Variants in HSD17B4 observed in about 807,000 individuals in gnomAD.
The protein encoded by HSD17B4 is hydroxysteroid 17-beta dehydrogenase 4, also known as peroxisomal multifunctional enzyme type 2.
HSD17B4 carries 70 observed loss-of-function variants against 101.0 expected under a neutral mutation model. The observed-to-expected ratio is 0.69, with a 90% confidence interval of 0.57 to 0.85. The LOEUF is 0.85. HSD17B4 is among the 40% of genes least tolerant of loss of function. The pLI is 0.00. For synonymous variants in HSD17B4, 347 were observed against 297.1 expected (o/e 1.17, Z -1.73); for missense variants, 984 against 892.4 (o/e 1.10, Z -1.31).
chr5:119,458,665 A>G (rs1754917943), intron 2 of HSD17B4, among the ~76,000 whole-genome samples: 1 of 152,146 alleles, frequency 6.6e-6, no homozygotes, highest in Non-Finnish European at 1.5e-5. Flanking sequence ...TAGGGGCATC[A>G]TTTAAGATAG....
At chr5:119,454,094 T>C (rs767269023) in intron 1 of HSD17B4, among the ~76,000 whole-genome samples, 1 of 152,226 alleles carries the variant, frequency 6.6e-6, no homozygotes, top group Non-Finnish European at 1.5e-5. Context: ...CACAAGCACA[T>C]ACATCTGTAT....
At chr5:119,466,718 TA>T (rs1329440362) in intron 2 of HSD17B4, among the ~76,000 whole-genome samples, 1 of 152,122 alleles carries the variant, frequency 6.6e-6, no homozygotes, top group Non-Finnish European at 1.5e-5. Context: ...CAGTTTTGTT[TA>T]TCTTTTCAAA....
At position 119,527,041 on chromosome 5, in the gene HSD17B4, T is replaced by C. The variant is rs1467347549; in HGVS notation, c.1681-92T>C. ...TTAAACCTTGATTTTTTTTTTCTTT[T>C]GTGCTCTCTAGTTTCCTTTCCAATT... On this transcript the variant is annotated intron_variant, in intron 19 of 23. Transcript: ENST00000510025. 3 of 735,546 alleles carry C rather than the reference T, an allele frequency of 4.1e-6. No homozygotes were observed. The African/African-American group carries it at 5.3e-5, about 13-fold the overall frequency. The allele number at this position is 735,546 out of a possible 1,614,324, so 45.6% of individuals were successfully genotyped here.
intron 17 of HSD17B4, among the ~76,000 whole-genome samples, chr5:119,517,497 C>T (rs1270535352): frequency 3.9e-5 from 6 of 152,246 alleles, no homozygotes; most frequent in African/African-American, 9.6e-5. Flanking sequence ...GCGAGCGTAC[C>T]GCGCGGGACT....
At chr5:119,515,940 A>C (rs1752576415) in intron 17 of HSD17B4, among the ~76,000 whole-genome samples, 1 of 152,218 alleles carries the variant, frequency 6.6e-6, no homozygotes, top group Non-Finnish European at 1.5e-5. Flanking sequence ...GTGATTAAAT[A>C]ATATGCACAA....
Position 119,452,522 on chromosome 5 carries a change from G to T in HSD17B4, c.-54G>T. The T allele has an allele frequency of 6.2e-7, 1 of 1,613,302 alleles. No homozygotes were observed. Among genetic ancestry groups the T allele is most frequent in the Non-Finnish European group, 8.5e-7 (1 of 1,179,970 alleles). On this transcript the variant is annotated 5_prime_UTR_variant, in exon 1 of 24. Transcript: ENST00000510025. ...ATTCCCCGCCTCCTCCTGTCCCGCAGTCGGCGTCCAGCGGCTCTGCTTGTT... is the reference window on the plus strand; with the variant it reads ...ATTCCCCGCCTCCTCCTGTCCCGCATTCGGCGTCCAGCGGCTCTGCTTGTT...
At chr5:119,535,848 T>A (rs1754486284) in intron 22 of HSD17B4, 1 of 152,536 alleles carries the variant, frequency 6.6e-6, no homozygotes, top group Admixed American at 6.5e-5. Context: ...AACAGTTCCT[T>A]CTTTCTCCTG....
intron 18 of HSD17B4, 175 bp from the exon 19 acceptor site, chr5:119,525,742 C>A: frequency 8.1e-5 from 34 of 417,990 alleles, no homozygotes; most frequent in South Asian, 8.5e-5. Context: ...TTCTTTATTT[C>A]ATAATTTCCT....
chr5:119,456,869 G>T (rs1754732931), intron 2 of HSD17B4: 1 of 162,874 alleles, frequency 6.1e-6, no homozygotes, highest in Non-Finnish European at 1.4e-5. Flanking sequence ...GATCAAAAGA[G>T]AGCCCCTGTA....
At chr5:119,488,784 T>C (rs1580591998) in intron 8 of HSD17B4, among the ~76,000 whole-genome samples, 1 of 152,282 alleles carries the variant, frequency 6.6e-6, no homozygotes, top group Non-Finnish European at 1.5e-5. Flanking sequence ...TATTTGCCAC[T>C]GTAATGGTCT....
intron 17 of HSD17B4, among the ~76,000 whole-genome samples, chr5:119,523,911 G>A (rs771141221): frequency 2.6e-5 from 4 of 152,054 alleles, no homozygotes; most frequent in Non-Finnish European, 5.9e-5. Context: ...AGCTGGCTTT[G>A]AATCTAGATC....
chr5:119,461,357 C>T (rs1017059093), intron 2 of HSD17B4, among the ~76,000 whole-genome samples: 1 of 151,890 alleles, frequency 6.6e-6, no homozygotes, highest in Non-Finnish European at 1.5e-5. Context: ...TTTACTAGTG[C>T]TCAAAAAAAT....
chr5:119,498,934 G>A (rs1308294373), intron 12 of HSD17B4, among the ~76,000 whole-genome samples: 1 of 152,082 alleles, frequency 6.6e-6, no homozygotes, highest in East Asian at 1.9e-4. Flanking sequence ...CCATTAAGCA[G>A]TGTTTTACTC....
intron 9 of HSD17B4, among the ~76,000 whole-genome samples, chr5:119,489,694 A>T (rs1371097606): frequency 6.6e-6 from 1 of 152,192 alleles, no homozygotes; most frequent in Non-Finnish European, 1.5e-5. Flanking sequence ...TACAAGTCAT[A>T]TTTTAAACCC....
At chr5:119,483,439 C>G (rs973422434) in intron 8 of HSD17B4, among the ~76,000 whole-genome samples, 3 of 152,096 alleles carry the variant, frequency 2.0e-5, no homozygotes, top group African/African-American at 4.8e-5. Context: ...AACTTCCAAG[C>G]TCTTTTTATG....
At chr5:119,510,963 G>T (rs903848373) in intron 16 of HSD17B4, among the ~76,000 whole-genome samples, 20 of 152,312 alleles carry the variant, frequency 1.3e-4, no homozygotes, top group African/African-American at 4.6e-4. Context: ...ACAGAGTGGA[G>T]ACTTTACCCT....
intron 22 of HSD17B4, among the ~76,000 whole-genome samples, 165 bp downstream of exon 22, chr5:119,531,569 G>A (rs1366841787): frequency 8.3e-6 from 1 of 120,284 alleles, no homozygotes; most frequent in Non-Finnish European, 1.7e-5. Flanking sequence ...CCAAAGGGGG[G>A]TGTGTGTGTG....
chr5:119,465,218 A>G (rs1337835708), intron 2 of HSD17B4, among the ~76,000 whole-genome samples: 2 of 151,890 alleles, frequency 1.3e-5, no homozygotes, highest in Non-Finnish European at 2.9e-5. Flanking sequence ...TAGGTACTTT[A>G]TTTTATTTTT....
At chr5:119,481,892 T>A (rs1749171770) in intron 8 of HSD17B4, among the ~76,000 whole-genome samples, 2 of 152,162 alleles carry the variant, frequency 1.3e-5, no homozygotes. Context: ...CTTATCCTTA[T>A]TCCTCTATAG....
Sources: gnomAD v4.1 joint callset for allele counts (sites outside exome capture counted in the v4.1 genomes callset) on GRCh38, gnomAD v4.1.1 for gene constraint, MANE v1.5 for transcripts, NCBI Gene and HGNC (gene_info 2026-07-23, HGNC 2026-07-21) for gene names.